Variants in ERBB3 observed in about 807,000 individuals in gnomAD.
ERBB3 encodes the protein erb-b2 receptor tyrosine kinase 3, also known as receptor tyrosine-protein kinase erbB-3.
Under a neutral mutation model 156.7 loss-of-function variants are expected in ERBB3, and 96 were observed. The observed-to-expected ratio is 0.61, with a 90% confidence interval of 0.52 to 0.73. The LOEUF (loss-of-function observed/expected upper bound fraction) is 0.73, where lower values mean the gene tolerates loss of function less well. Among genes scored for constraint, ERBB3 ranks in the 30% least tolerant of loss-of-function variants. The pLI is 0.00. For synonymous variants in ERBB3, 567 were observed against 632.0 expected (o/e 0.90, Z 1.54); for missense variants, 1,406 against 1,709.4 (o/e 0.82, Z 3.13).
At chr12:56,098,698 C>T (rs1460352651) in intron 22 of ERBB3, 61 bp from the exon 23 acceptor site, 3 of 1,602,822 alleles carry the variant, frequency 1.9e-6, no homozygotes, top group South Asian at 1.1e-5. Flanking sequence ...TCTGCCTTCC[C>T]TTCACTTCAT....
In ERBB3 at chr12:56,083,851, G is replaced by T; in HGVS notation, c.183G>T (p.Gly61=). Residue 61 remains glycine (G), a synonymous_variant, in exon 2 of 28, where the codon GGG becomes GGT. Coordinates refer to ENST00000267101, the MANE Select transcript of ERBB3 (RefSeq NM_001982.4). ...ACGAGAGGTGTGAGGTGGTGATGGG[G>T]AACCTTGAGATTGTGCTCACGGGAC... is the stretch of plus-strand genomic sequence containing the variant. The part of the protein sequence containing the change: ...KLYERCEVVM[G]NLEIVLTGHN... 1 of 1,614,092 alleles carries T rather than the reference G, an allele frequency of 6.2e-7. No homozygotes were observed. The highest frequency in any genetic ancestry group is 8.5e-7 in the Non-Finnish European group (1 of 1,180,016).
intron 9 of ERBB3, among the ~76,000 whole-genome samples, chr12:56,091,273 T>TAAATATAA (rs1271789665): frequency 7.9e-5 from 1 of 12,682 alleles, no homozygotes; most frequent in African/African-American, 5.8e-4. Context: ...ATTTTATATA[T>TAAATATAA]ATATATATAT....
rs1868938273 is a variant in ERBB3, at chr12:56,097,806, C to A, written c.2482C>A (p.His828Asn). 2 of 1,613,968 alleles carry A rather than the reference C, an allele frequency of 1.2e-6. No homozygotes were observed. The highest frequency in any genetic ancestry group is 1.7e-6 in the Non-Finnish European group (2 of 1,179,978). The change falls in exon 21 of 28, where the codon CAT becomes AAT. Residue 828 changes from histidine (H) to asparagine (N), a missense_variant. His to Asn is a moderately conservative substitution (Grantham distance 68). Coordinates refer to ENST00000267101, the MANE Select transcript of ERBB3 (RefSeq NM_001982.4). ...ACAGGGAATGTACTACCTTGAGGAA[C>A]ATGGTATGGTGCATAGAAACCTGGC... ...IAKGMYYLEE[H>N]GMVHRNLAAR...
At chr12:56,098,231 C>T (rs540581426) in intron 21 of ERBB3, 28 of 527,760 alleles carry the variant, frequency 5.3e-5, no homozygotes, top group Middle Eastern at 9.9e-4. Context: ...GGTGAAACCC[C>T]GTCTCTACTA....
intron 4 of ERBB3, 125 bp from the exon 5 acceptor site, chr12:56,087,452 G>A: frequency 1.2e-6 from 1 of 861,560 alleles, no homozygotes; most frequent in South Asian, 1.3e-5. Flanking sequence ...GGGCAGGGAG[G>A]GACACAGCCC....
At chr12:56,093,936 G>A (rs2136811481) in intron 13 of ERBB3, 40 bp downstream of exon 13, 1 of 1,612,604 alleles carries the variant, frequency 6.2e-7, no homozygotes, top group Non-Finnish European at 8.5e-7. Flanking sequence ...GTGGGGGTGG[G>A]GCCCTGCAAT....
At chr12:56,095,047 C>A (rs1429304933) in intron 15 of ERBB3, among the ~76,000 whole-genome samples, 2 of 152,114 alleles carry the variant, frequency 1.3e-5, no homozygotes, top group African/African-American at 2.4e-5. Context: ...TTTTGGGAAC[C>A]TGGAATAACC....
chr12:56,096,441 CG>C, intron 17 of ERBB3, 61 bp from the exon 18 acceptor site: 1 of 1,606,896 alleles, frequency 6.2e-7, no homozygotes, highest in South Asian at 1.1e-5. Context: ...CTATGAGGAG[CG>C]GGTTGGAGTG....
Position 56,094,088 on chromosome 12 carries a change from C to A in ERBB3, c.1614-11C>A, listed in dbSNP as rs772361694. On this transcript the variant is annotated splice_polypyrimidine_tract_variant and intron_variant, in intron 13 of 27. Transcript: ENST00000267101. The stretch of plus-strand genomic sequence containing the variant: ...GAAGTGACCCCCCCCTCCCTTTATT[C>A]CCCACTACAGGGAGCCTCGAGAATT... 4 of 1,600,002 alleles carry A rather than the reference C, an allele frequency of 2.5e-6. No homozygotes were observed. Among genetic ancestry groups the A allele is most frequent in the African/African-American group, 2.7e-5 (2 of 74,606 alleles).
In ERBB3 at chr12:56,087,715, C is replaced by T. The variant is rs551967367; in HGVS notation, c.613+73C>T. 4.4e-6 allele frequency: 7 copies of T among 1,589,738 alleles called. No individual in the cohort carries two copies. In the South Asian group the frequency reaches 6.6e-5, roughly 15 times the overall value. On this transcript the variant is annotated intron_variant, in intron 5 of 27. Coordinates refer to ENST00000267101, the MANE Select transcript of ERBB3 (RefSeq NM_001982.4). The stretch of plus-strand genomic sequence containing the variant: ...CCCTTCCTCCCCAAGCCTGGGTCAA[C>T]ACTGTGGGGGAGGCATGAGCAGTGG...
At chr12:56,100,382 C>T (rs942821076) in intron 26 of ERBB3, 137 bp downstream of exon 26, 20 of 760,742 alleles carry the variant, frequency 2.6e-5, no homozygotes, top group Non-Finnish European at 4.0e-5. Context: ...TGGCTCACAC[C>T]TGTAATCCCA....
chr12:56,100,379 C>T (rs1869049663), intron 26 of ERBB3, 134 bp downstream of exon 26: 1 of 767,894 alleles, frequency 1.3e-6, no homozygotes. Flanking sequence ...AGTTGGCTCA[C>T]ACCTGTAATC....
In ERBB3 at chr12:56,101,941, C is replaced by T. The variant is rs1869126701; in HGVS notation, c.3915C>T (p.Val1305=). 1 of 1,613,430 alleles carries T rather than the reference C, an allele frequency of 6.2e-7. No individual in the cohort carries two copies. The highest frequency in any genetic ancestry group is 2.2e-5 in the East Asian group (1 of 44,866). Residue 1305 remains valine, a synonymous_variant, in exon 28 of 28, where the codon GTC becomes GTT. Transcript: ENST00000267101. Reference sequence around the variant, plus strand: ...GGCCTGGACATCAGGCCCCCCATGTCCATTATGCCCGCCTAAAAACTCTAC... The same window carrying T: ...GGCCTGGACATCAGGCCCCCCATGTTCATTATGCCCGCCTAAAAACTCTAC... The part of the protein sequence containing the change: ...FQGPGHQAPH[V]HYARLKTLRS...
Position 56,099,737 on chromosome 12 carries a change from G to T in ERBB3, c.2929G>T (p.Val977Phe), listed in dbSNP as rs1353796675. The T allele has an allele frequency of 6.2e-7, 1 of 1,614,038 alleles. No homozygotes were observed. The highest frequency in any genetic ancestry group is 1.7e-5 in the Admixed American group (1 of 60,024). Residue 977 changes from valine (V) to phenylalanine (F), a missense_variant, in exon 24 of 28, where the codon GTC becomes TTC. This residue lies in a region of ERBB3 where 12 missense variants were observed against 35.8 expected (regional missense o/e 0.34). Coordinates refer to ENST00000267101, the MANE Select transcript of ERBB3 (RefSeq NM_001982.4). ...GGCCCGAGACCCACCACGGTATCTGGTCATAAAGGTGAGTAGGGAGTAGGA... is the reference window on the plus strand; with the variant it reads ...GGCCCGAGACCCACCACGGTATCTGTTCATAAAGGTGAGTAGGGAGTAGGA... The part of the protein sequence containing the change: ...RMARDPPRYL[V>F]IKRESGPGIA...
In ERBB3 at chr12:56,103,138, G is replaced by A. The variant is rs1014140838; in HGVS notation, c.*1083G>A. On this transcript the variant is annotated 3_prime_UTR_variant, in exon 28 of 28. Coordinates refer to ENST00000267101, the MANE Select transcript of ERBB3 (RefSeq NM_001982.4). ...GGGCACTGTTTCTTGTTTTTGCACT[G>A]AATCAAGTCTAACCCCAACAGCCAC... The A allele has an allele frequency of 6.9e-5, 16 of 230,846 alleles. No homozygotes were observed. The highest frequency in any genetic ancestry group is 1.4e-4 in the Non-Finnish European group (16 of 116,384). The allele number at this position is 230,846 out of a possible 1,614,324, so 14.3% of individuals were successfully genotyped here.
chr12:56,098,302 C>T (rs1868960014), intron 21 of ERBB3, 198 bp from the exon 22 acceptor site: 3 of 597,282 alleles, frequency 5.0e-6, no homozygotes, highest in Non-Finnish European at 8.9e-6. Context: ...CTCCCAGCTA[C>T]TCGGGAGGCT....
chr12:56,093,706 A>T, intron 12 of ERBB3, 58 bp from the exon 13 acceptor site: 4 of 1,609,748 alleles, frequency 2.5e-6, no homozygotes, highest in Non-Finnish European at 3.4e-6. Flanking sequence ...AGAATAATGA[A>T]GAGAGGGCTT....
rs1868798697 is a variant in ERBB3, at chr12:56,093,818, C to T, written c.1535C>T (p.Pro512Leu). ...PLCSSGGCWGPGPGQCLSCRN... is the reference protein window; with the variant it reads ...PLCSSGGCWGLGPGQCLSCRN... Reference sequence around the variant, plus strand: ...TGCTCCTCTGGGGGATGCTGGGGCCCAGGCCCTGGTCAGTGCTTGTCCTGT... The same window carrying T: ...TGCTCCTCTGGGGGATGCTGGGGCCTAGGCCCTGGTCAGTGCTTGTCCTGT... Residue 512 changes from proline to leucine, a missense_variant, in exon 13 of 28, where the codon CCA becomes CTA. By Grantham distance (98) the Pro-to-Leu change is moderately conservative. Coordinates refer to ENST00000267101, the MANE Select transcript of ERBB3 (RefSeq NM_001982.4). 1 of 1,613,846 alleles carries T rather than the reference C, an allele frequency of 6.2e-7. No homozygotes were observed. Among genetic ancestry groups the T allele is most frequent in the Admixed American group, 1.7e-5 (1 of 59,984 alleles).
chr12:56,092,509 G>T (rs1439572647), intron 9 of ERBB3, among the ~76,000 whole-genome samples: 1 of 148,016 alleles, frequency 6.8e-6, no homozygotes, highest in African/African-American at 2.5e-5. Context: ...ATTTTAGCCA[G>T]CCCCTCCAAG....
Sources: allele counts gnomAD v4.1 joint callset (sites outside exome capture counted in the v4.1 genomes callset), GRCh38; gene constraint gnomAD v4.1.1; regional missense constraint gnomAD v4.1.1; transcripts MANE v1.5; gene names NCBI Gene and HGNC (gene_info 2026-07-23, HGNC 2026-07-21).